Variants in ANK1 observed in about 807,000 individuals in gnomAD.
ANK1 encodes ankyrin-1.
A neutral mutation model predicts 210.4 loss-of-function variants in ANK1; 51 were observed. That is an observed-to-expected ratio of 0.24 (90% confidence interval 0.19 to 0.31). The LOEUF (loss-of-function observed/expected upper bound fraction) is 0.31. Ranked by LOEUF, ANK1 falls within the 10% of genes least tolerant of loss-of-function variation. The pLI is 1.00. For synonymous variants in ANK1, 967 were observed against 1,025.9 expected, an observed-to-expected ratio of 0.94 and a Z score of 1.10; for missense variants, 2,051 against 2,504.4, an observed-to-expected ratio of 0.82 and a Z score of 3.86.
At chr8:41,875,068 G>T (rs1484615650) in intron 1 of ANK1, among the ~76,000 whole-genome samples, 3 of 152,202 alleles carry the variant, frequency 2.0e-5, no homozygotes, top group African/African-American at 4.8e-5. Flanking sequence ...GGGCTGGGAT[G>T]GGAGAGGGGA....
intron 2 of ANK1, among the ~76,000 whole-genome samples, chr8:41,734,930 T>G (rs1833067176): frequency 6.6e-6 from 1 of 152,168 alleles, no homozygotes; most frequent in South Asian, 2.1e-4. Context: ...ATAGCCCCTT[T>G]GCCATCCCAC....
intron 1 of ANK1, among the ~76,000 whole-genome samples, chr8:41,836,706 G>A (rs545615019): frequency 3.9e-5 from 6 of 152,220 alleles, no homozygotes; most frequent in Admixed American, 6.5e-5. Flanking sequence ...GGGGCCAGGA[G>A]TTCAACACCA....
At chr8:41,715,910 A>G in intron 13 of ANK1, 61 bp from the exon 14 acceptor site, 6 of 1,601,986 alleles carry the variant, frequency 3.7e-6, no homozygotes, top group Non-Finnish European at 4.3e-6. Context: ...CCAACTTTTC[A>G]TCTTACAGAG....
chr8:41,833,884 G>A (rs75673490), intron 1 of ANK1, among the ~76,000 whole-genome samples: 6,044 of 152,238 alleles, frequency 0.04, 386 homozygotes, highest in African/African-American at 0.14. Context: ...TAAGAGCCCC[G>A]AGGCCATGCC....
chr8:41,768,797 C>T (rs1334649071), intron 1 of ANK1, among the ~76,000 whole-genome samples: 1 of 35,852 alleles, frequency 2.8e-5, no homozygotes, highest in Non-Finnish European at 6.3e-5. Context: ...CCCCCTGTCT[C>T]CACAAAAAAA....
intron 1 of ANK1, among the ~76,000 whole-genome samples, chr8:41,854,603 T>C (rs11997221): frequency 0.013 from 1,947 of 152,200 alleles, 45 homozygotes; most frequent in African/African-American, 0.044. Context: ...TTACTGGCTC[T>C]TGTTTTAGCC....
intron 1 of ANK1, among the ~76,000 whole-genome samples, chr8:41,820,871 G>A (rs775381497): frequency 1.6e-4 from 24 of 152,224 alleles, no homozygotes; most frequent in Non-Finnish European, 3.1e-4. Context: ...AGGGGCCGGG[G>A]CTGCAGAGAG....
chr8:41,882,270 C>T (rs538323959), intron 1 of ANK1, among the ~76,000 whole-genome samples: 5 of 152,232 alleles, frequency 3.3e-5, no homozygotes, highest in East Asian at 3.9e-4. Context: ...ACCATCCACA[C>T]GGTGCAGGCC....
intron 1 of ANK1, chr8:41,803,276 T>C (rs1325261445): frequency 6.6e-6 from 1 of 152,230 alleles, no homozygotes; most frequent in Non-Finnish European, 1.5e-5. Context: ...TATAGATACA[T>C]ACATTTTTGT....
chr8:41,681,871 G>A (rs1816166589), intron 37 of ANK1, among the ~76,000 whole-genome samples: 1 of 152,168 alleles, frequency 6.6e-6, no homozygotes, highest in Admixed American at 6.6e-5. Flanking sequence ...GGACAAAGCA[G>A]GGCATCGGTG....
intron 2 of ANK1, among the ~76,000 whole-genome samples, chr8:41,749,885 T>C (rs1217676735): frequency 6.6e-6 from 1 of 152,234 alleles, no homozygotes; most frequent in East Asian, 1.9e-4. Flanking sequence ...GTGCTGGGAT[T>C]ACAGGCGTGA....
At chr8:41,678,332 G>A (rs189051115) in intron 37 of ANK1, among the ~76,000 whole-genome samples, 2 of 152,176 alleles carry the variant, frequency 1.3e-5, no homozygotes, top group East Asian at 3.9e-4. Context: ...AGTGGAGACA[G>A]GGTTTCACTA....
intron 1 of ANK1, among the ~76,000 whole-genome samples, chr8:41,880,624 C>A (rs1195867391): frequency 2.0e-5 from 3 of 152,202 alleles, no homozygotes; most frequent in Admixed American, 2.0e-4. Context: ...GTGTGGGCAT[C>A]CACCAAACCC....
At chr8:41,882,813 G>T (rs765608532) in intron 1 of ANK1, among the ~76,000 whole-genome samples, 4 of 152,170 alleles carry the variant, frequency 2.6e-5, no homozygotes, top group Non-Finnish European at 5.9e-5. Context: ...CTGGAGTCAG[G>T]GCCTCCACGC....
At chr8:41,729,127 G>T (rs916157731) in intron 3 of ANK1, among the ~76,000 whole-genome samples, 1 of 152,198 alleles carries the variant, frequency 6.6e-6, no homozygotes, top group Non-Finnish European at 1.5e-5. Context: ...GATGTATGTA[G>T]GGAAGAGAAG....
At chr8:41,764,998 A>G (rs533953492) in intron 1 of ANK1, among the ~76,000 whole-genome samples, 2 of 152,156 alleles carry the variant, frequency 1.3e-5, no homozygotes, top group Non-Finnish European at 2.9e-5. Flanking sequence ...CCAGGATTTG[A>G]GTCTAGGTAG....
At chr8:41,839,118 C>A (rs1280917078) in intron 1 of ANK1, among the ~76,000 whole-genome samples, 1 of 152,146 alleles carries the variant, frequency 6.6e-6, no homozygotes, top group African/African-American at 2.4e-5. Flanking sequence ...ATGACTGTAC[C>A]ACCTGCACCA....
At chr8:41,876,570 G>A (rs967655977) in intron 1 of ANK1, among the ~76,000 whole-genome samples, 3 of 152,216 alleles carry the variant, frequency 2.0e-5, no homozygotes, top group Non-Finnish European at 2.9e-5. Flanking sequence ...ATACCTAGCC[G>A]ACCCCAGCCA....
chr8:41,808,029 C>T (rs533868862), intron 1 of ANK1, among the ~76,000 whole-genome samples: 1 of 152,208 alleles, frequency 6.6e-6, no homozygotes, highest in East Asian at 1.9e-4. Flanking sequence ...AGGACTCCTT[C>T]TGGAGACTGT....
Sources: gnomAD v4.1 joint callset for allele counts (sites outside exome capture counted in the v4.1 genomes callset) on GRCh38, gnomAD v4.1.1 for gene constraint, MANE v1.5 for transcripts, NCBI Gene and HGNC (gene_info 2026-07-23, HGNC 2026-07-21) for gene names.